Variants in GFRAL observed in about 807,000 individuals in gnomAD.
The protein encoded by GFRAL is GDNF family receptor alpha-like.
A neutral mutation model predicts 45.4 loss-of-function variants in GFRAL; 36 were observed. The ratio of observed to expected loss-of-function variants is 0.79; its 90% confidence interval spans 0.61 to 1.05. GFRAL has a LOEUF of 1.05. GFRAL is among the 50% of genes least tolerant of loss of function. GFRAL has a pLI of 0.00. For missense variants in GFRAL, 507 were observed against 467.5 expected (o/e 1.08, Z -0.78); for synonymous variants, 166 against 154.1 (o/e 1.08, Z -0.57).
chr6:55,379,661 G>A (rs1221156753), intron 6 of GFRAL, among the ~76,000 whole-genome samples: 1 of 151,616 alleles, frequency 6.6e-6, no homozygotes, highest in Non-Finnish European at 1.5e-5. Flanking sequence ...TATCATTTTT[G>A]TGGTGAGAAC....
chr6:55,397,819 A>G (rs1334073363), intron 6 of GFRAL, among the ~76,000 whole-genome samples: 1 of 152,226 alleles, frequency 6.6e-6, no homozygotes, highest in Non-Finnish European at 1.5e-5. Context: ...TGTACCTCGT[A>G]AGGACATTCT....
intron 3 of GFRAL, among the ~76,000 whole-genome samples, chr6:55,341,321 G>A (rs577755194): frequency 2.8e-4 from 42 of 152,162 alleles, no homozygotes; most frequent in Non-Finnish European, 5.1e-4. Flanking sequence ...CCTGTGAGAC[G>A]AAGCTTCCAG....
chr6:55,350,134 G>T lies in GFRAL; in HGVS notation c.359G>T (p.Arg120Leu), dbSNP rs115053739. 17,241 of 1,523,996 alleles carry T rather than the reference G, an allele frequency of 0.011. 168 individuals are homozygous for T. The highest frequency in any genetic ancestry group is 0.013 in the Non-Finnish European group (14,649 of 1,099,486). The allele number at this position is 1,523,996 out of a possible 1,614,324, so 94.4% of individuals were successfully genotyped here. A position where few individuals can be genotyped will look rare whatever the true frequency, so the allele number is the denominator to read the frequency against. Reference sequence around the variant, plus strand: ...AAATTCAAATGGAATCTAACTACACGTTCCCATCATGGTAATGTTTTTAAG... The same window carrying T: ...AAATTCAAATGGAATCTAACTACACTTTCCCATCATGGTAATGTTTTTAAG... Reference protein sequence around the residue: ...EDKFKWNLTTRSHHGFKGMWS... With the variant: ...EDKFKWNLTTLSHHGFKGMWS... The change falls in exon 4 of 9, where the codon CGT becomes CTT. Residue 120 changes from arginine to leucine, a missense_variant. Transcript: ENST00000340465.
At chr6:55,387,680 G>A (rs186605545) in intron 6 of GFRAL, among the ~76,000 whole-genome samples, 1 of 152,280 alleles carries the variant, frequency 6.6e-6, no homozygotes, top group East Asian at 1.9e-4. Flanking sequence ...ATCCATTGAT[G>A]ATGGCAACGG....
At chr6:55,389,281 G>A (rs1237013769) in intron 6 of GFRAL, among the ~76,000 whole-genome samples, 2 of 152,084 alleles carry the variant, frequency 1.3e-5, no homozygotes, top group Non-Finnish European at 2.9e-5. Flanking sequence ...GCCAGCATGT[G>A]TTGTTCCCTC....
At chr6:55,379,208 T>TA (rs1163747113) in intron 6 of GFRAL, among the ~76,000 whole-genome samples, 3 of 151,990 alleles carry the variant, frequency 2.0e-5, no homozygotes, top group African/African-American at 7.2e-5. Context: ...GAAGGTTTGT[T>TA]ACGTAGGTAA....
At chr6:55,360,496 T>G (rs1303700233) in intron 6 of GFRAL, among the ~76,000 whole-genome samples, 1 of 152,032 alleles carries the variant, frequency 6.6e-6, no homozygotes, top group Non-Finnish European at 1.5e-5. Flanking sequence ...GAGATGCACA[T>G]TAGCCAATGT....
intron 3 of GFRAL, among the ~76,000 whole-genome samples, chr6:55,337,918 C>T (rs1328188412): frequency 6.6e-6 from 1 of 152,088 alleles, no homozygotes; most frequent in Non-Finnish European, 1.5e-5. Flanking sequence ...AAACCTTGAG[C>T]CACTGATTTG....
At chr6:55,339,624 G>A (rs902734419) in intron 3 of GFRAL, among the ~76,000 whole-genome samples, 6 of 152,122 alleles carry the variant, frequency 3.9e-5, no homozygotes, top group Admixed American at 2.0e-4. Flanking sequence ...GCCAATGAAA[G>A]AGAGGACATG....
At chr6:55,386,469 G>A (rs954662804) in intron 6 of GFRAL, among the ~76,000 whole-genome samples, 3 of 152,086 alleles carry the variant, frequency 2.0e-5, no homozygotes, top group African/African-American at 7.2e-5. Context: ...ATGCGTGTCT[G>A]TTGGCTATGT....
intron 3 of GFRAL, among the ~76,000 whole-genome samples, chr6:55,346,942 A>G: frequency 6.6e-6 from 1 of 151,554 alleles, no homozygotes; most frequent in Non-Finnish European, 1.5e-5. Context: ...ATTGGTGGTA[A>G]TTAATTTTTT....
At position 55,351,484 on chromosome 6, in the gene GFRAL, C is replaced by G; in HGVS notation, c.602C>G (p.Ser201Cys). The change falls in exon 5 of 9, where the codon TCC becomes TGC. Residue 201 changes from serine to cysteine, a missense_variant. Transcript: ENST00000340465. Reference protein sequence around the residue: ...CAQSDIPCQQSKEALHSKTCA... With the variant: ...CAQSDIPCQQCKEALHSKTCA... ...CAATCTGATATACCTTGTCAGCAGTCCAAAGAAGCTCTTCACAGCAAGACA... is the reference window on the plus strand; with the variant it reads ...CAATCTGATATACCTTGTCAGCAGTGCAAAGAAGCTCTTCACAGCAAGACA... 6.2e-7 allele frequency: 1 copy of G among 1,613,544 alleles called. No individual in the cohort carries two copies. The highest frequency in any genetic ancestry group is 8.5e-7 in the Non-Finnish European group (1 of 1,179,682).
chr6:55,396,536 A>G (rs1768826956), intron 6 of GFRAL, among the ~76,000 whole-genome samples: 1 of 152,068 alleles, frequency 6.6e-6, no homozygotes, highest in African/African-American at 2.4e-5. Flanking sequence ...TACTTAGGCC[A>G]TGAATCCAGC....
intron 5 of GFRAL, among the ~76,000 whole-genome samples, chr6:55,356,441 T>C (rs62419067): frequency 0.16 from 24,770 of 151,932 alleles, 2,327 homozygotes; most frequent in African/African-American, 0.25. Flanking sequence ...TCTTGGTAGG[T>C]TGTGTCTACA....
chr6:55,368,784 A>T (rs542480485), intron 6 of GFRAL, among the ~76,000 whole-genome samples: 2 of 152,296 alleles, frequency 1.3e-5, no homozygotes, highest in East Asian at 3.9e-4. Context: ...CCACCTGAGG[A>T]GGCAGTCTGC....
intron 1 of GFRAL, among the ~76,000 whole-genome samples, chr6:55,331,373 G>A (rs1457313038): frequency 6.6e-6 from 1 of 152,090 alleles, no homozygotes; most frequent in East Asian, 1.9e-4. Flanking sequence ...ATGGTCAATG[G>A]TGAGATAAAG....
Position 55,350,288 on chromosome 6 carries a change from CA to C in GFRAL, c.370+144del, listed in dbSNP as rs1768098998. 8.7e-6 allele frequency: 5 copies of C among 577,052 alleles called. No homozygotes were observed. The Admixed American group carries it at 1.7e-4, about 19-fold the overall frequency. The allele number at this position is 577,052 out of a possible 1,614,324, so 35.7% of individuals were successfully genotyped here. On this transcript the variant is annotated intron_variant, in intron 4 of 8. Transcript: ENST00000340465. The stretch of plus-strand genomic sequence containing the variant: ...CTAATATAATAAAATGCAGCAAAAT[CA>C]TTTCATTTCTTTTACTAATGATGCA...
intron 5 of GFRAL, among the ~76,000 whole-genome samples, chr6:55,353,249 C>A (rs1554188452): frequency 6.6e-6 from 1 of 151,612 alleles, no homozygotes; most frequent in Non-Finnish European, 1.5e-5. Context: ...CAACTACTGG[C>A]AAAAAAACAC....
intron 3 of GFRAL, among the ~76,000 whole-genome samples, chr6:55,344,885 T>A (rs1451330016): frequency 6.6e-6 from 1 of 152,166 alleles, no homozygotes; most frequent in Non-Finnish European, 1.5e-5. Flanking sequence ...CAAGCATTCC[T>A]ATACACCAAT....
Sources: gnomAD v4.1 joint callset for allele counts (sites outside exome capture counted in the v4.1 genomes callset) on GRCh38, gnomAD v4.1.1 for gene constraint, MANE v1.5 for transcripts, NCBI Gene and HGNC (gene_info 2026-07-23, HGNC 2026-07-21) for gene names.